DCUN1D5: variants seen among roughly 807,000 people sequenced by gnomAD.
DCUN1D5 encodes the protein defective in cullin neddylation 1 domain containing 5, also known as DCN1-like protein 5.
Under a neutral mutation model 38.3 loss-of-function variants are expected in DCUN1D5, and 10 were observed. The observed-to-expected ratio is 0.26, with a 90% CI of 0.16 to 0.44. DCUN1D5 has a LOEUF of 0.44. Among genes scored for constraint, DCUN1D5 ranks in the 20% least tolerant of loss-of-function variants. DCUN1D5 has a pLI of 1.00. For missense variants in DCUN1D5, 148 were observed against 275.3 expected, an observed-to-expected ratio of 0.54 and a Z score of 3.27; for synonymous variants, 93 against 90.9, an observed-to-expected ratio of 1.02 and a Z score of -0.13.
rs1168503886 is a variant in DCUN1D5 at position 103,059,300 on chromosome 11, C to T, written c.*3059G>A. On this transcript the variant is annotated 3_prime_UTR_variant, in exon 8 of 8. Transcript: ENST00000260247. ...TCTGAATCTGTGCTATTCCACATAC[C>T]TTGTATGCCTTGAAAACTCTGGAGT... 6.6e-6 allele frequency among the ~76,000 whole-genome samples: 1 copy of T among 152,002 alleles called. No individual in the cohort carries two copies. The highest frequency in any genetic ancestry group is 1.5e-5 in the Non-Finnish European group (1 of 68,006).
chr11:103,084,073 T>C (rs972324446), intron 2 of DCUN1D5, among the ~76,000 whole-genome samples: 1 of 152,198 alleles, frequency 6.6e-6, no homozygotes. Context: ...AATCAATACA[T>C]CAATTATCAT....
At position 103,066,734 on chromosome 11, in the gene DCUN1D5, C is replaced by CA. The variant is rs1358879962; in HGVS notation, c.342-168dup. On this transcript the variant is annotated intron_variant, in intron 4 of 7. Transcript: ENST00000260247. The surrounding 1 kb of genome is among the most constrained non-coding windows in gnomAD (Gnocchi z 4.7). ...TTAGAGTAATAAATTTCTTGCCCTG[C>CA]ATCTACCAATGCAATAAAAAAAGAA... is the stretch of plus-strand genomic sequence containing the variant. Among the ~76,000 whole-genome samples the CA allele has an allele frequency of 2.6e-5, 4 of 151,868 alleles. No homozygotes were observed. The highest frequency in any genetic ancestry group is 9.7e-5 in the African/African-American group (4 of 41,352).
At position 103,091,664 on chromosome 11, in the gene DCUN1D5, C is replaced by G; in HGVS notation, c.86+123G>C. The G allele has an allele frequency of 1.3e-6, 2 of 1,581,526 alleles. No homozygotes were observed. The highest frequency in any genetic ancestry group is 1.1e-5 in the South Asian group (1 of 88,962). ...GCGGTGTTCGGCACCTACAGCCTAGCTCGATCAAAGGGGCCTCACCTGTCT... is the reference window on the plus strand; with the variant it reads ...GCGGTGTTCGGCACCTACAGCCTAGGTCGATCAAAGGGGCCTCACCTGTCT... On this transcript the variant is annotated intron_variant, in intron 1 of 7. Transcript: ENST00000260247. This position sits in a 1 kb window ranked among gnomAD's most constrained non-coding sequence, Gnocchi z 4.3.
rs984484929 is a variant in DCUN1D5 at position 103,091,154 on chromosome 11, G to C, written c.86+633C>G. 3.3e-5 allele frequency among the ~76,000 whole-genome samples: 5 copies of C among 152,088 alleles called. No individual in the cohort carries two copies. The highest frequency in any genetic ancestry group is 7.4e-5 in the Non-Finnish European group (5 of 68,020). ...CTGAATGCTAGAAGACAAAAAGCAT[G>C]CAGGGCCTTTCCAACTCTGCACACA... On this transcript the variant is annotated intron_variant, in intron 1 of 7. Coordinates refer to ENST00000260247, the MANE Select transcript of DCUN1D5 (RefSeq NM_032299.4). This position sits in a 1 kb window ranked among gnomAD's most constrained non-coding sequence, Gnocchi z 4.3.
chr11:103,079,068 C>A (rs1056344353), intron 4 of DCUN1D5, among the ~76,000 whole-genome samples: 1 of 152,218 alleles, frequency 6.6e-6, no homozygotes, highest in Non-Finnish European at 1.5e-5. Context: ...GCATATCCAC[C>A]TCCTGTCAGA....
Position 103,083,043 on chromosome 11 carries a change from T to C in DCUN1D5, c.250-204A>G, listed in dbSNP as rs1406254452. Among the ~76,000 whole-genome samples the C allele has an allele frequency of 1.3e-5, 2 of 152,044 alleles. No homozygotes were observed. Among genetic ancestry groups the C allele is most frequent in the Non-Finnish European group, 2.9e-5 (2 of 67,878 alleles). On this transcript the variant is annotated intron_variant, in intron 3 of 7. Coordinates refer to ENST00000260247, the MANE Select transcript of DCUN1D5 (RefSeq NM_032299.4). The surrounding 1 kb of genome is among the most constrained non-coding windows in gnomAD (Gnocchi z 4.4). ...AAAAAGTTCTAACAGTTTCTGAAGGTAGAATCTCTTATTCTATTACATATA... is the reference window on the plus strand; with the variant it reads ...AAAAAGTTCTAACAGTTTCTGAAGGCAGAATCTCTTATTCTATTACATATA...
chr11:103,079,539 TG>T (rs1455578347), intron 4 of DCUN1D5, among the ~76,000 whole-genome samples: 4 of 151,718 alleles, frequency 2.6e-5, no homozygotes, highest in Non-Finnish European at 5.9e-5. Context: ...GAGACCAACC[TG>T]GGCAACATAG....
At position 103,071,068 on chromosome 11, in the gene DCUN1D5, G is replaced by T. The variant is rs1283185517; in HGVS notation, c.342-4501C>A. On this transcript the variant is annotated intron_variant, in intron 4 of 7. Coordinates refer to ENST00000260247, the MANE Select transcript of DCUN1D5 (RefSeq NM_032299.4). The surrounding 1 kb of genome is among the most constrained non-coding windows in gnomAD (Gnocchi z 4.1). ...TGACATACAAATAAAGCAGTACTGA[G>T]AAGGAAATTTATAGTGCTAAATACA... 1.3e-5 allele frequency among the ~76,000 whole-genome samples: 2 copies of T among 152,000 alleles called. No individual in the cohort carries two copies. Among genetic ancestry groups the T allele is most frequent in the Admixed American group, 6.6e-5 (1 of 15,262 alleles).
chr11:103,070,539 T>C (rs540336748), intron 4 of DCUN1D5, among the ~76,000 whole-genome samples: 3 of 152,252 alleles, frequency 2.0e-5, no homozygotes, highest in African/African-American at 7.2e-5. Flanking sequence ...AGCAATCCTA[T>C]ACACGTTAAA....
In DCUN1D5 at chr11:103,066,211, A is replaced by G. The variant is rs111379003; in HGVS notation, c.555+58T>C. On this transcript the variant is annotated intron_variant, in intron 6 of 7. Coordinates refer to ENST00000260247, the MANE Select transcript of DCUN1D5 (RefSeq NM_032299.4). The surrounding 1 kb of genome is among the most constrained non-coding windows in gnomAD (Gnocchi z 4.7). ...AAAAATCTACTTGTTCCTCAAAAGT[A>G]TAACTTTCAGATTAAGTTTTAAAAT... 415 of 1,155,500 alleles carry G rather than the reference A, an allele frequency of 3.6e-4. 3 individuals carry two copies. The African/African-American group carries it at 4.4e-3, about 12-fold the overall frequency. 71.6% of individuals were successfully genotyped at this position (1,155,500 alleles called of 1,614,324 possible). A position where few individuals can be genotyped will look rare whatever the true frequency, so the allele number is the denominator to read the frequency against.
rs1444912740 is a variant in DCUN1D5 at position 103,075,265 on chromosome 11, G to A, written c.341+7483C>T. On this transcript the variant is annotated intron_variant, in intron 4 of 7. Transcript: ENST00000260247. The stretch of plus-strand genomic sequence containing the variant: ...CAACAACCAGACCCTAGGTGACTAG[G>A]AATAGGTAGGTTTCTTCAGGGTAAA... 3.3e-5 allele frequency among the ~76,000 whole-genome samples: 5 copies of A among 152,174 alleles called. No individual in the cohort carries two copies. The East Asian group carries it at 5.8e-4, about 18-fold the overall frequency.
Position 103,064,969 on chromosome 11 carries a change from GA to G in DCUN1D5, c.556-593del, listed in dbSNP as rs1241173395. 2.0e-5 allele frequency among the ~76,000 whole-genome samples: 3 copies of G among 152,078 alleles called. No homozygotes were observed. Among genetic ancestry groups the G allele is most frequent in the Non-Finnish European group, 4.4e-5 (3 of 68,006 alleles). Reference sequence around the variant, plus strand: ...AACAACCTGCACATAACAAGTGTCTGAAAATATTTAGTTCTTCTCAGCTCCC... The same window carrying G: ...AACAACCTGCACATAACAAGTGTCTGAAATATTTAGTTCTTCTCAGCTCCC... On this transcript the variant is annotated intron_variant, in intron 6 of 7. Transcript: ENST00000260247. This position sits in a 1 kb window ranked among gnomAD's most constrained non-coding sequence, Gnocchi z 4.5.
rs1236432538 is a variant in DCUN1D5, at chr11:103,078,443, T to C, written c.341+4305A>G. On this transcript the variant is annotated intron_variant, in intron 4 of 7. Transcript: ENST00000260247. The surrounding 1 kb of genome is among the most constrained non-coding windows in gnomAD (Gnocchi z 4.6). Reference sequence around the variant, plus strand: ...TTGTGTCTAGCAGTACATGTGCCTCTTAATGGGAACGAGGTCCATAGTTCT... The same window carrying C: ...TTGTGTCTAGCAGTACATGTGCCTCCTAATGGGAACGAGGTCCATAGTTCT... 6.6e-6 allele frequency among the ~76,000 whole-genome samples: 1 copy of C among 152,228 alleles called. No homozygotes were observed. The highest frequency in any genetic ancestry group is 2.4e-5 in the African/African-American group (1 of 41,464).
rs1380454056 is a variant in DCUN1D5, at chr11:103,082,842, G to A, written c.250-3C>T. 1.2e-6 allele frequency: 2 copies of A among 1,607,914 alleles called. No individual in the cohort carries two copies. The highest frequency in any genetic ancestry group is 3.3e-5 in the Admixed American group (2 of 59,854). ...CACGCTAAAACTAACATAATAATCT[G>A]GAAAGAACAGAACATAAAGGATAGG... is the stretch of plus-strand genomic sequence containing the variant. On this transcript the variant is annotated splice_polypyrimidine_tract_variant and splice_region_variant and intron_variant, in intron 3 of 7. Transcript: ENST00000260247.
Position 103,077,812 on chromosome 11 carries a change from C to T in DCUN1D5, c.341+4936G>A, listed in dbSNP as rs1862448540. Among the ~76,000 whole-genome samples, 2 of 152,124 alleles carry T rather than the reference C, an allele frequency of 1.3e-5. No homozygotes were observed. Among genetic ancestry groups the T allele is most frequent in the South Asian group, 4.2e-4 (2 of 4,816 alleles). Reference sequence around the variant, plus strand: ...AGAACTTCCTCTAAATAAGCTTTCTCAACCAGAACAATACCATCTACTTCT... The same window carrying T: ...AGAACTTCCTCTAAATAAGCTTTCTTAACCAGAACAATACCATCTACTTCT... On this transcript the variant is annotated intron_variant, in intron 4 of 7. Coordinates refer to ENST00000260247, the MANE Select transcript of DCUN1D5 (RefSeq NM_032299.4). The surrounding 1 kb of genome is among the most constrained non-coding windows in gnomAD (Gnocchi z 4.3).
At position 103,054,693 on chromosome 11, in the gene DCUN1D5, T is replaced by C. The variant is rs570528006; in HGVS notation, c.*7666A>G. 6.6e-5 allele frequency: 10 copies of C among 152,254 alleles called. No homozygotes were observed. The highest frequency in any genetic ancestry group is 1.3e-4 in the Non-Finnish European group (9 of 67,984). The allele number at this position is 152,254 out of a possible 1,614,324, so 9.4% of individuals were successfully genotyped here. On this transcript the variant is annotated 3_prime_UTR_variant, in exon 8 of 8. Transcript: ENST00000260247. ...GATTTCTTCTGACTGGCTTTAATATTCATATATGTGGTGGAAGACCCTCTA... is the reference window on the plus strand; with the variant it reads ...GATTTCTTCTGACTGGCTTTAATATCCATATATGTGGTGGAAGACCCTCTA...
rs1385894537 is a variant in DCUN1D5 at position 103,052,770 on chromosome 11, A to T, written c.*9589T>A. Reference sequence around the variant, plus strand: ...TGGAATATTTTTCATGTTATTCCAAACACCAACCACTTCTTGGCTTTTTAT... The same window carrying T: ...TGGAATATTTTTCATGTTATTCCAATCACCAACCACTTCTTGGCTTTTTAT... On this transcript the variant is annotated 3_prime_UTR_variant, in exon 8 of 8. Transcript: ENST00000260247. 6.6e-6 allele frequency: 1 copy of T among 152,220 alleles called. No homozygotes were observed. Among genetic ancestry groups the T allele is most frequent in the Non-Finnish European group, 1.5e-5 (1 of 68,016 alleles). 9.4% of individuals were successfully genotyped at this position (152,220 alleles called of 1,614,324 possible). A position where few individuals can be genotyped will look rare whatever the true frequency, so the allele number is the denominator to read the frequency against.
Position 103,073,341 on chromosome 11 carries a change from A to C in DCUN1D5, c.342-6774T>G, listed in dbSNP as rs1862327281. 6.6e-6 allele frequency among the ~76,000 whole-genome samples: 1 copy of C among 152,220 alleles called. No homozygotes were observed. The highest frequency in any genetic ancestry group is 2.4e-5 in the African/African-American group (1 of 41,456). ...AATATCAGGAATATTAAGAGTATTC[A>C]AAGACTCAAAACAGTAAAAATGTCA... On this transcript the variant is annotated intron_variant, in intron 4 of 7. Coordinates refer to ENST00000260247, the MANE Select transcript of DCUN1D5 (RefSeq NM_032299.4). This position sits in a 1 kb window ranked among gnomAD's most constrained non-coding sequence, Gnocchi z 4.2.
rs1429851528 is a variant in DCUN1D5, at chr11:103,066,593, A to T, written c.342-26T>A. 3.6e-6 allele frequency: 5 copies of T among 1,400,534 alleles called. No homozygotes were observed. In the South Asian group the frequency reaches 4.8e-5, roughly 13 times the overall value. 86.8% of individuals were successfully genotyped at this position (1,400,534 alleles called of 1,614,324 possible). ...CTTAAATAAAAGAAATATCAAACAA[A>T]TTACATAATCAAGAAAATCAAATAA... On this transcript the variant is annotated intron_variant, in intron 4 of 7. Coordinates refer to ENST00000260247, the MANE Select transcript of DCUN1D5 (RefSeq NM_032299.4). This position sits in a 1 kb window ranked among gnomAD's most constrained non-coding sequence, Gnocchi z 4.7.
Sources: gnomAD v4.1 joint callset for allele counts (sites outside exome capture counted in the v4.1 genomes callset) on GRCh38, gnomAD v4.1.1 for gene constraint, Gnocchi (gnomAD v3.1) non-coding constraint, MANE v1.5 for transcripts, NCBI Gene and HGNC (gene_info 2026-07-23, HGNC 2026-07-21) for gene names.